The following SNTG2 variants were observed in gnomAD, a reference collection of about 807,000 sequenced individuals.
SNTG2 encodes the protein syntrophin gamma 2, also known as gamma-2-syntrophin.
A neutral mutation model predicts 70.9 loss-of-function variants in SNTG2; 74 were observed. The ratio of observed to expected loss-of-function variants is 1.04; its 90% confidence interval spans 0.86 to 1.27. The LOEUF (loss-of-function observed/expected upper bound fraction) is 1.27, where lower values mean the gene tolerates loss of function less well. SNTG2 is among the 50% of genes most tolerant of loss of function. The pLI is 0.00. For missense variants in SNTG2, 717 were observed against 690.7 expected, an observed-to-expected ratio of 1.04 and a Z score of -0.43; for synonymous variants, 278 against 273.8, an observed-to-expected ratio of 1.02 and a Z score of -0.15.
intron 6 of SNTG2, among the ~76,000 whole-genome samples, chr2:1,142,348 T>G (rs992424286): frequency 3.1e-4 from 47 of 152,344 alleles, no homozygotes; most frequent in Admixed American, 2.4e-3. Context: ...TGCTGCTGCC[T>G]GGGCTCTGCC....
intron 9 of SNTG2, among the ~76,000 whole-genome samples, chr2:1,219,253 C>G (rs1674595743): frequency 6.6e-6 from 1 of 152,198 alleles, no homozygotes; most frequent in Non-Finnish European, 1.5e-5. Context: ...TTCCTGAGGC[C>G]TCCCCAGAGT....
chr2:1,364,737 C>CAAAAAAAAAAAAAAAAAAAAA (rs371977526), intron 16 of SNTG2, among the ~76,000 whole-genome samples: 1 of 132,016 alleles, frequency 7.6e-6, no homozygotes, highest in African/African-American at 2.9e-5. Context: ...CTAAAAATAC[C>CAAAAAAAAAAAAAAAAAAAAA]AAAAAAAAAA....
At chr2:1,136,259 G>C (rs934401184) in intron 4 of SNTG2, among the ~76,000 whole-genome samples, 1 of 151,930 alleles carries the variant, frequency 6.6e-6, no homozygotes, top group East Asian at 1.9e-4. Context: ...GCCTACCCTC[G>C]TGTGGCTAGA....
intron 4 of SNTG2, among the ~76,000 whole-genome samples, chr2:1,115,092 A>G (rs1368056253): frequency 2.0e-5 from 3 of 152,110 alleles, no homozygotes; most frequent in African/African-American, 7.2e-5. Context: ...TAACCCTTAC[A>G]GTCCTTTGAG....
rs142621491 is a variant in SNTG2 at position 1,269,128 on chromosome 2, G to A, written c.1284+1557G>A. On this transcript the variant is annotated intron_variant, in intron 14 of 16. Transcript: ENST00000308624. ...GAATGTCTGAAGCATTCTAGAGGGT[G>A]AAAGTTTATTTAGGATTCCTAAAAA... is the stretch of plus-strand genomic sequence containing the variant. 4.3e-4 allele frequency among the ~76,000 whole-genome samples: 66 copies of A among 152,308 alleles called. No individual in the cohort carries two copies. The East Asian group carries it at 0.011, about 26-fold the overall frequency.
intron 1 of SNTG2, among the ~76,000 whole-genome samples, chr2:1,029,933 G>T (rs150916356): frequency 2.0e-5 from 3 of 152,188 alleles, no homozygotes; most frequent in South Asian, 2.1e-4. Context: ...CACATCTTAC[G>T]TTCCTGTATC....
intron 1 of SNTG2, among the ~76,000 whole-genome samples, chr2:1,016,179 A>T (rs967065444): frequency 1.3e-5 from 2 of 152,302 alleles, no homozygotes; most frequent in Admixed American, 1.3e-4. Flanking sequence ...ATTAAAAAAA[A>T]AAGTGTATAA....
chr2:1,312,457 G>T (rs1337714333), intron 15 of SNTG2, among the ~76,000 whole-genome samples: 1 of 152,196 alleles, frequency 6.6e-6, no homozygotes, highest in African/African-American at 2.4e-5. Context: ...ACAATGGTGA[G>T]GGAGAAGGGG....
At chr2:1,323,854 C>A (rs1013676572) in intron 16 of SNTG2, among the ~76,000 whole-genome samples, 1 of 151,226 alleles carries the variant, frequency 6.6e-6, no homozygotes, top group South Asian at 2.1e-4. Flanking sequence ...GGCTAACAGT[C>A]ATATTGCTGA....
chr2:1,238,863 ACCCGCCCTGCC>A (rs1457298805), intron 10 of SNTG2, among the ~76,000 whole-genome samples: 2 of 152,104 alleles, frequency 1.3e-5, no homozygotes, highest in African/African-American at 2.4e-5. Flanking sequence ...CTGCAGATGC[ACCCGCCCTGCC>A]CCTGCCCTGC....
At chr2:1,134,334 A>G (rs935333274) in intron 4 of SNTG2, among the ~76,000 whole-genome samples, 4 of 152,032 alleles carry the variant, frequency 2.6e-5, no homozygotes, top group African/African-American at 7.2e-5. Flanking sequence ...TGATTGGTCC[A>G]TTTTACATAG....
chr2:1,220,452 G>A (rs1674679388), intron 9 of SNTG2, among the ~76,000 whole-genome samples: 1 of 152,186 alleles, frequency 6.6e-6, no homozygotes, highest in South Asian at 2.1e-4. Context: ...GGCATGTCGT[G>A]TGTCCCCTGC....
chr2:1,336,447 C>G (rs578022922), intron 16 of SNTG2, among the ~76,000 whole-genome samples: 1 of 152,034 alleles, frequency 6.6e-6, no homozygotes, highest in Admixed American at 6.6e-5. Context: ...TATTGCTGTG[C>G]GGACACTGTT....
chr2:1,340,020 G>A (rs957534871), intron 16 of SNTG2, among the ~76,000 whole-genome samples: 11 of 152,346 alleles, frequency 7.2e-5, no homozygotes, highest in African/African-American at 2.6e-4. Context: ...CTCCCAGAGG[G>A]GTGGAAGCTC....
chr2:1,204,764 G>C (rs1426751436), intron 8 of SNTG2, among the ~76,000 whole-genome samples: 1 of 152,116 alleles, frequency 6.6e-6, no homozygotes, highest in Non-Finnish European at 1.5e-5. Flanking sequence ...TTTATTATAA[G>C]TGTGTGTGTA....
intron 1 of SNTG2, among the ~76,000 whole-genome samples, chr2:968,559 C>T (rs1177974232): frequency 2.6e-5 from 4 of 151,996 alleles, no homozygotes; most frequent in Non-Finnish European, 5.9e-5. Context: ...AAGGTGGAGT[C>T]TTATGTTTCT....
chr2:1,099,047 A>T (rs924334293), intron 4 of SNTG2, among the ~76,000 whole-genome samples: 9 of 152,162 alleles, frequency 5.9e-5, no homozygotes, highest in African/African-American at 2.2e-4. Flanking sequence ...TTTCTCATAC[A>T]ATTCGATTTT....
At chr2:1,363,594 TGAG>T (rs1416721404) in intron 16 of SNTG2, among the ~76,000 whole-genome samples, 1 of 152,110 alleles carries the variant, frequency 6.6e-6, no homozygotes, top group Non-Finnish European at 1.5e-5. Flanking sequence ...TGAACACAGG[TGAG>T]GAGTGCAGCG....
chr2:1,113,557 AG>A (rs1666678510), intron 4 of SNTG2, among the ~76,000 whole-genome samples: 1 of 151,248 alleles, frequency 6.6e-6, no homozygotes, highest in Admixed American at 6.6e-5. Flanking sequence ...CAGTCCTTTG[AG>A]GAGGATCGTG....
Sources: allele counts gnomAD v4.1 joint callset (sites outside exome capture counted in the v4.1 genomes callset), GRCh38; gene constraint gnomAD v4.1.1; transcripts MANE v1.5; gene names NCBI Gene and HGNC (gene_info 2026-07-23, HGNC 2026-07-21).